MDGA2: variants seen among roughly 807,000 people sequenced by gnomAD.
MDGA2 encodes the protein MAM domain containing glycosylphosphatidylinositol anchor 2.
Under a neutral mutation model 117.8 loss-of-function variants are expected in MDGA2, and 40 were observed. The ratio of observed to expected loss-of-function variants is 0.34; its 90% confidence interval spans 0.26 to 0.44. MDGA2 has a LOEUF of 0.44. Ranked by LOEUF, MDGA2 falls within the 20% of genes least tolerant of loss-of-function variation. The pLI is 1.00. For missense variants in MDGA2, 1,123 were observed against 1,250.6 expected, an observed-to-expected ratio of 0.90 and a Z score of 1.54; for synonymous variants, 452 against 439.0, an observed-to-expected ratio of 1.03 and a Z score of -0.37.
At chr14:47,242,969 A>G (rs1338357614) in intron 2 of MDGA2, among the ~76,000 whole-genome samples, 2 of 151,858 alleles carry the variant, frequency 1.3e-5, no homozygotes, top group African/African-American at 2.4e-5. Flanking sequence ...TGCACCAATC[A>G]GCACCCTGTG....
intron 1 of MDGA2, among the ~76,000 whole-genome samples, chr14:47,371,329 G>T (rs1891354258): frequency 6.6e-6 from 1 of 151,660 alleles, no homozygotes; most frequent in Non-Finnish European, 1.5e-5. Context: ...AAAACCTAAA[G>T]TACTACTTAA....
intron 3 of MDGA2, among the ~76,000 whole-genome samples, chr14:47,193,663 A>T (rs1434844066): frequency 6.6e-6 from 1 of 152,188 alleles, no homozygotes; most frequent in African/African-American, 2.4e-5. Context: ...GCTACTAATT[A>T]GTGTCTGCAA....
At position 47,000,377 on chromosome 14, in the gene MDGA2, T is replaced by TTTA. The variant is rs1555342218; in HGVS notation, c.1819+34633_1819+34634insTAA. ...CACACATATATATGTATATATATAT[T>TTTA]TATATATATATATTTATATATAAAT... is the stretch of plus-strand genomic sequence containing the variant. On this transcript the variant is annotated intron_variant, in intron 8 of 16. Transcript: ENST00000399232. Among the ~76,000 whole-genome samples, 317 of 100,008 alleles carry TTTA rather than the reference T, an allele frequency of 3.2e-3. 2 individuals are homozygous for TTTA. The highest frequency in any genetic ancestry group is 1.0e-2 in the African/African-American group (302 of 30,328). The allele number at this position is 100,008 out of a possible 152,430, so 65.6% of individuals were successfully genotyped here.
intron 1 of MDGA2, among the ~76,000 whole-genome samples, chr14:47,609,979 G>T (rs1276527858): frequency 6.6e-6 from 1 of 151,834 alleles, no homozygotes; most frequent in Non-Finnish European, 1.5e-5. Flanking sequence ...CACAATACTA[G>T]CTAACGGAAT....
At chr14:47,149,091 G>A (rs1883062307) in intron 3 of MDGA2, among the ~76,000 whole-genome samples, 1 of 152,128 alleles carries the variant, frequency 6.6e-6, no homozygotes, top group African/African-American at 2.4e-5. Flanking sequence ...AGGGGTTCGA[G>A]ACAAGCCTGG....
intron 1 of MDGA2, among the ~76,000 whole-genome samples, chr14:47,486,118 T>A (rs1260895463): frequency 6.6e-6 from 1 of 152,124 alleles, no homozygotes; most frequent in East Asian, 1.9e-4. Context: ...TCAATGGCGG[T>A]CTGTGAAAGC....
intron 1 of MDGA2, among the ~76,000 whole-genome samples, chr14:47,606,205 A>G (rs1353717875): frequency 6.6e-6 from 1 of 152,170 alleles, no homozygotes; most frequent in Non-Finnish European, 1.5e-5. Context: ...TAGTATCTAG[A>G]ACATATGTGT....
intron 5 of MDGA2, among the ~76,000 whole-genome samples, chr14:47,103,940 A>G (rs1394773642): frequency 6.6e-6 from 1 of 152,212 alleles, no homozygotes; most frequent in East Asian, 1.9e-4. Flanking sequence ...TCAGCGAACA[A>G]AAGAGTCAAA....
chr14:47,445,647 T>C (rs1893105950), intron 1 of MDGA2, among the ~76,000 whole-genome samples: 1 of 152,196 alleles, frequency 6.6e-6, no homozygotes, highest in Non-Finnish European at 1.5e-5. Context: ...TTAATTTGTA[T>C]TCTTACCCAC....
chr14:47,436,350 G>A (rs2138537332), intron 1 of MDGA2, among the ~76,000 whole-genome samples: 1 of 152,210 alleles, frequency 6.6e-6, no homozygotes, highest in African/African-American at 2.4e-5. Flanking sequence ...TCATCTTTAT[G>A]TATAAACTGA....
chr14:47,197,894 G>A (rs544882217), intron 3 of MDGA2, among the ~76,000 whole-genome samples: 1 of 152,062 alleles, frequency 6.6e-6, no homozygotes, highest in African/African-American at 2.4e-5. Flanking sequence ...GGGCGACAGA[G>A]CTAGACTCTG....
chr14:47,192,116 C>G (rs547573177), intron 3 of MDGA2, among the ~76,000 whole-genome samples: 6 of 152,148 alleles, frequency 3.9e-5, no homozygotes, highest in African/African-American at 1.2e-4. Flanking sequence ...GGCAAGGCAA[C>G]GACAATTGCA....
At chr14:47,577,427 A>C (rs1896136357) in intron 1 of MDGA2, among the ~76,000 whole-genome samples, 1 of 152,304 alleles carries the variant, frequency 6.6e-6, no homozygotes, top group South Asian at 2.1e-4. Flanking sequence ...AATACAAGCC[A>C]AAACTGACAA....
rs144512857 is a variant in MDGA2, at chr14:47,070,164, C to T, written c.1196-8586G>A. 5.4e-4 allele frequency among the ~76,000 whole-genome samples: 82 copies of T among 152,162 alleles called. 2 individuals are homozygous for T. The East Asian group carries it at 8.5e-3, about 16-fold the overall frequency. ...GTGCTATCAAATACTAGGTCATATT[C>T]GTCCTTTATAACTATTTTTTATACC... is the stretch of plus-strand genomic sequence containing the variant. On this transcript the variant is annotated intron_variant, in intron 6 of 16. Coordinates refer to ENST00000399232, the MANE Select transcript of MDGA2 (RefSeq NM_001113498.3).
At chr14:47,015,812 A>G (rs1379759205) in intron 8 of MDGA2, among the ~76,000 whole-genome samples, 1 of 152,126 alleles carries the variant, frequency 6.6e-6, no homozygotes, top group Non-Finnish European at 1.5e-5. Context: ...GATACTGATA[A>G]AATTAGAGAG....
At chr14:47,666,490 A>C (rs76627985) in intron 1 of MDGA2, among the ~76,000 whole-genome samples, 6 of 152,092 alleles carry the variant, frequency 3.9e-5, no homozygotes, top group African/African-American at 1.2e-4. Flanking sequence ...ACCAATCGAC[A>C]CTCTGTATCT....
chr14:46,944,455 T>C (rs1364262222), intron 9 of MDGA2, among the ~76,000 whole-genome samples: 2 of 151,980 alleles, frequency 1.3e-5, no homozygotes, highest in Non-Finnish European at 2.9e-5. Flanking sequence ...CTTGTATTTT[T>C]CTTGCCTTGT....
Position 47,425,699 on chromosome 14 carries a change from T to C in MDGA2, c.281-124149A>G, listed in dbSNP as rs140047065. On this transcript the variant is annotated intron_variant, in intron 1 of 16. Transcript: ENST00000399232. ...TCATTTGAGTTCAATTTTGATATAC[T>C]ATTCCTGAGACATTTTATTATCTGT... Among the ~76,000 whole-genome samples, 545 of 152,292 alleles carry C rather than the reference T, an allele frequency of 3.6e-3. 7 individuals carry two copies. The highest frequency in any genetic ancestry group is 0.012 in the African/African-American group (506 of 41,560).
chr14:47,418,018 C>T (rs986197435), intron 1 of MDGA2, among the ~76,000 whole-genome samples: 1 of 151,958 alleles, frequency 6.6e-6, no homozygotes. Context: ...TGGACGAGTA[C>T]AAATTTTCTA....
Sources: allele counts gnomAD v4.1 joint callset (sites outside exome capture counted in the v4.1 genomes callset), GRCh38; gene constraint gnomAD v4.1.1; transcripts MANE v1.5; gene names NCBI Gene and HGNC (gene_info 2026-07-23, HGNC 2026-07-21).